The following GNAI1 variants were observed in gnomAD, a reference collection of about 807,000 sequenced individuals.
The protein encoded by GNAI1 is G protein subunit alpha i1.
Under a neutral mutation model 38.9 loss-of-function variants are expected in GNAI1, and 11 were observed. The ratio of observed to expected loss-of-function variants is 0.28; its 90% confidence interval spans 0.18 to 0.47. The LOEUF is 0.47. GNAI1 is among the 20% of genes least tolerant of loss of function. GNAI1 has a pLI of 0.99. For synonymous variants in GNAI1, 166 were observed against 145.1 expected (o/e 1.14, Z -1.04); for missense variants, 317 against 436.9 (o/e 0.73, Z 2.45).
At chr7:80,140,582 C>T (rs1315305920) in intron 1 of GNAI1, among the ~76,000 whole-genome samples, 1 of 152,164 alleles carries the variant, frequency 6.6e-6, no homozygotes, top group African/African-American at 2.4e-5. Context: ...ATGTATGACT[C>T]CCCAGAGTAT....
intron 1 of GNAI1, among the ~76,000 whole-genome samples, chr7:80,167,277 T>C (rs1405893462): frequency 2.0e-5 from 3 of 152,220 alleles, no homozygotes; most frequent in Non-Finnish European, 4.4e-5. Flanking sequence ...CAGCATTATG[T>C]GGAATGTAGA....
chr7:80,134,933 C>G lies in GNAI1; in HGVS notation c.-228C>G. On this transcript the variant is annotated 5_prime_UTR_variant, in exon 1 of 8. Transcript: ENST00000649796. The stretch of plus-strand genomic sequence containing the variant: ...ACCCCAAACCCGGGACTTGGGGGCG[C>G]TGAGCCGGGCCGGGAAGCAGAGCCT... 2.6e-6 allele frequency: 1 copy of G among 382,132 alleles called. No homozygotes were observed. The highest frequency in any genetic ancestry group is 4.6e-6 in the Non-Finnish European group (1 of 216,080). 23.7% of individuals were successfully genotyped at this position (382,132 alleles called of 1,614,324 possible). A position where few individuals can be genotyped will look rare whatever the true frequency, so the allele number is the denominator to read the frequency against.
chr7:80,217,531 A>T lies in GNAI1; in HGVS notation c.*38A>T. 2 of 1,184,730 alleles carry T rather than the reference A, an allele frequency of 1.7e-6. No individual in the cohort carries two copies. The highest frequency in any genetic ancestry group is 2.9e-5 in the South Asian group (2 of 69,524). 73.4% of individuals were successfully genotyped at this position (1,184,730 alleles called of 1,614,324 possible). ...ATGGTAAAATGCATTTTCAAACCAA[A>T]TGAGTACTTATATATGGATCTCTGT... On this transcript the variant is annotated 3_prime_UTR_variant, in exon 8 of 8. Coordinates refer to ENST00000649796, the MANE Select transcript of GNAI1 (RefSeq NM_002069.6).
intron 1 of GNAI1, among the ~76,000 whole-genome samples, chr7:80,181,196 C>T (rs1467297753): frequency 6.6e-6 from 1 of 152,092 alleles, no homozygotes; most frequent in African/African-American, 2.4e-5. Context: ...TTCCCAATGA[C>T]ACCACTCTCA....
intron 1 of GNAI1, among the ~76,000 whole-genome samples, chr7:80,159,864 T>C (rs2714454): frequency 0.28 from 43,115 of 152,012 alleles, 7,404 homozygotes; most frequent in African/African-American, 0.49. Context: ...GTGAAATTGA[T>C]GGAAAACACA....
intron 1 of GNAI1, chr7:80,136,084 G>A: frequency 1.0e-6 from 1 of 975,546 alleles, no homozygotes; most frequent in Non-Finnish European, 1.2e-6. Flanking sequence ...TACACGCAAG[G>A]CTTTTATTTG....
intron 5 of GNAI1, 107 bp from the exon 6 acceptor site, chr7:80,210,862 A>G (rs765831374): frequency 3.5e-6 from 3 of 857,446 alleles, no homozygotes; most frequent in Non-Finnish European, 5.3e-6. Context: ...CTTCCTTTTC[A>G]TCAGACATTT....
At chr7:80,214,011 C>A (rs142606794) in intron 7 of GNAI1, among the ~76,000 whole-genome samples, 1 of 151,998 alleles carries the variant, frequency 6.6e-6, no homozygotes, top group Non-Finnish European at 1.5e-5. Flanking sequence ...ATGAGAATAC[C>A]GGGGCTTCCT....
Position 80,217,487 on chromosome 7 carries a change from C to T in GNAI1, c.1059C>T (p.Leu353=), listed in dbSNP as rs1206271501. The T allele has an allele frequency of 1.3e-6, 2 of 1,590,030 alleles. No homozygotes were observed. Among genetic ancestry groups the T allele is most frequent in the African/African-American group, 1.4e-5 (1 of 73,694 alleles). The change falls in exon 8 of 8, where the codon CTC becomes CTT. Residue 353 remains leucine, a synonymous_variant. Coordinates refer to ENST00000649796, the MANE Select transcript of GNAI1 (RefSeq NM_002069.6). ...AAAATAATCTAAAAGATTGTGGTCTCTTTTAAGTTTTGCAGTTCATGGTAA... is the reference window on the plus strand; with the variant it reads ...AAAATAATCTAAAAGATTGTGGTCTTTTTTAAGTTTTGCAGTTCATGGTAA... ...IIKNNLKDCG[L]F
intron 1 of GNAI1, among the ~76,000 whole-genome samples, chr7:80,182,415 A>G (rs998444954): frequency 6.6e-6 from 1 of 152,152 alleles, no homozygotes; most frequent in Non-Finnish European, 1.5e-5. Context: ...ATAGTTTTAT[A>G]TGGAGTTAAG....
rs1254242905 is a variant in GNAI1, at chr7:80,145,177, CTA to C, written c.118+9901_118+9902del. 2.0e-5 allele frequency among the ~76,000 whole-genome samples: 3 copies of C among 152,266 alleles called. 1 individual carries two copies. The highest frequency in any genetic ancestry group is 6.5e-5 in the Admixed American group (1 of 15,296). The stretch of plus-strand genomic sequence containing the variant: ...ATACACCCCTTAAGTAATTTTTAAT[CTA>C]TTTTTTTATTTAAACTTTTCAGAAT... On this transcript the variant is annotated intron_variant, in intron 1 of 7. Coordinates refer to ENST00000649796, the MANE Select transcript of GNAI1 (RefSeq NM_002069.6).
At position 80,221,647 on chromosome 7, in the gene GNAI1, T is replaced by C. The variant is rs1162379591; in HGVS notation, c.*4154T>C. On this transcript the variant is annotated 3_prime_UTR_variant, in exon 8 of 8. Coordinates refer to ENST00000649796, the MANE Select transcript of GNAI1 (RefSeq NM_002069.6). ...AGGTTGGAAATTTTCTTTTTTTTTT[T>C]TTTTTTTTTTTTTTGGTATGGAGTC... 2.0e-4 allele frequency among the ~76,000 whole-genome samples: 28 copies of C among 140,332 alleles called. 1 individual carries two copies. Among genetic ancestry groups the C allele is most frequent in the Admixed American group, 2.2e-4 (3 of 13,918 alleles). 92.1% of individuals were successfully genotyped at this position (140,332 alleles called of 152,430 possible).
intron 1 of GNAI1, among the ~76,000 whole-genome samples, chr7:80,138,630 G>C (rs1446540804): frequency 1.3e-5 from 2 of 152,140 alleles, no homozygotes; most frequent in Admixed American, 6.6e-5. Flanking sequence ...GGTAACTATA[G>C]TATACTACTT....
intron 1 of GNAI1, among the ~76,000 whole-genome samples, chr7:80,154,450 A>G (rs766162018): frequency 2.0e-5 from 3 of 152,150 alleles, no homozygotes; most frequent in Non-Finnish European, 4.4e-5. Flanking sequence ...ATCTTCCCCA[A>G]GTTCTTGGGT....
intron 1 of GNAI1, among the ~76,000 whole-genome samples, chr7:80,158,877 A>G (rs1337226705): frequency 2.0e-5 from 3 of 152,230 alleles, no homozygotes; most frequent in Non-Finnish European, 4.4e-5. Flanking sequence ...TCTTTGACCT[A>G]TGGCTCCTGG....
At chr7:80,172,812 A>G (rs1788118978) in intron 1 of GNAI1, among the ~76,000 whole-genome samples, 1 of 152,106 alleles carries the variant, frequency 6.6e-6, no homozygotes. Context: ...GAAAACCAAA[A>G]CAAATTTTTT....
rs1352408295 is a variant in GNAI1, at chr7:80,136,364, A to G, written c.118+1086A>G. 2.6e-5 allele frequency among the ~76,000 whole-genome samples: 4 copies of G among 152,190 alleles called. No homozygotes were observed. In the East Asian group the frequency reaches 7.7e-4, roughly 29 times the overall value. On this transcript the variant is annotated intron_variant, in intron 1 of 7. Coordinates refer to ENST00000649796, the MANE Select transcript of GNAI1 (RefSeq NM_002069.6). ...TTATACCAGTTATAATAAAAAAGAA[A>G]TGTTGCACAAACCTGTTTTCAGTAA...
chr7:80,145,516 G>T (rs963253123), intron 1 of GNAI1, among the ~76,000 whole-genome samples: 4 of 152,004 alleles, frequency 2.6e-5, no homozygotes, highest in Non-Finnish European at 4.4e-5. Context: ...TATCCAGTTG[G>T]TAATAACTAA....
chr7:80,148,972 G>A (rs1309532010), intron 1 of GNAI1, among the ~76,000 whole-genome samples: 4 of 152,014 alleles, frequency 2.6e-5, no homozygotes, highest in Non-Finnish European at 4.4e-5. Flanking sequence ...ATTATATGCA[G>A]TATCAGTGTA....
Sources: gnomAD v4.1 joint callset for allele counts (sites outside exome capture counted in the v4.1 genomes callset) on GRCh38, gnomAD v4.1.1 for gene constraint, MANE v1.5 for transcripts, NCBI Gene and HGNC (gene_info 2026-07-23, HGNC 2026-07-21) for gene names.